Variants in HDGFL3 observed in about 807,000 individuals in gnomAD.
HDGFL3 encodes HDGF like 3, also known as hepatoma-derived growth factor-related protein 3.
HDGFL3 carries 6 observed loss-of-function variants against 27.6 expected under a neutral mutation model. The observed-to-expected ratio is 0.22, with a 90% CI of 0.12 to 0.43. HDGFL3 has a LOEUF of 0.43. HDGFL3 is among the 20% of genes least tolerant of loss of function. The pLI, the probability that HDGFL3 is intolerant of heterozygous loss-of-function variation, is 1.00. For missense variants in HDGFL3, 207 were observed against 250.1 expected (o/e 0.83, Z 1.16); for synonymous variants, 88 against 88.9 (o/e 0.99, Z 0.05).
At chr15:83,141,739 A>G (rs1435405083) in intron 5 of HDGFL3, among the ~76,000 whole-genome samples, 4 of 152,300 alleles carry the variant, frequency 2.6e-5, no homozygotes, top group South Asian at 4.2e-4. Flanking sequence ...GTGAGCCACC[A>G]AACTTGGCCC....
chr15:83,158,047 G>A lies in HDGFL3; in HGVS notation c.162-6C>T. ...CTTTGGGACCTAGAAATGCACTGCA[G>A]AGACATATTAGAAATAGAATTGACA... is the stretch of plus-strand genomic sequence containing the variant. On this transcript the variant is annotated splice_polypyrimidine_tract_variant and splice_region_variant and intron_variant, in intron 2 of 5. Coordinates refer to ENST00000299633, the MANE Select transcript of HDGFL3 (RefSeq NM_016073.4). 1 of 1,594,202 alleles carries A rather than the reference G, an allele frequency of 6.3e-7. No homozygotes were observed. The highest frequency in any genetic ancestry group is 8.5e-7 in the Non-Finnish European group (1 of 1,172,708).
Position 83,129,536 on chromosome 15 carries a change from C to G in HDGFL3, c.*9734G>C, listed in dbSNP as rs761907920. 1 of 152,150 alleles carries G rather than the reference C, an allele frequency of 6.6e-6. No homozygotes were observed. Among genetic ancestry groups the G allele is most frequent in the Non-Finnish European group, 1.5e-5 (1 of 68,028 alleles). 9.4% of individuals were successfully genotyped at this position (152,150 alleles called of 1,614,324 possible). A position where few individuals can be genotyped will look rare whatever the true frequency, so the allele number is the denominator to read the frequency against. The stretch of plus-strand genomic sequence containing the variant: ...ATGAGGAGGCTGAGGCTCAGTCCAC[C>G]TGAAATTATTTGCCTAAGATTACAG... On this transcript the variant is annotated 3_prime_UTR_variant, in exon 6 of 6. Transcript: ENST00000299633.
At chr15:83,177,871 G>A (rs574242270) in intron 1 of HDGFL3, among the ~76,000 whole-genome samples, 2 of 152,230 alleles carry the variant, frequency 1.3e-5, no homozygotes, top group East Asian at 1.9e-4. Context: ...ACAGAAACTA[G>A]TTGCTTTGGT....
chr15:83,117,277 T>C (rs2034749907), intron 3 of HDGFL3, among the ~76,000 whole-genome samples: 1 of 152,102 alleles, frequency 6.6e-6, no homozygotes, highest in African/African-American at 2.4e-5. Flanking sequence ...AGGATGAGGC[T>C]GAGTTTCTAT....
At chr15:83,154,755 G>A (rs2037008102) in intron 4 of HDGFL3, among the ~76,000 whole-genome samples, 1 of 152,156 alleles carries the variant, frequency 6.6e-6, no homozygotes, top group South Asian at 2.1e-4. Flanking sequence ...TGGCAAGCTT[G>A]TCAAACAATG....
At position 83,176,730 on chromosome 15, in the gene HDGFL3, G is replaced by C. The variant is rs187434139; in HGVS notation, c.85-12655C>G. Among the ~76,000 whole-genome samples, 3 of 152,168 alleles carry C rather than the reference G, an allele frequency of 2.0e-5. No homozygotes were observed. The East Asian group carries it at 5.8e-4, about 29-fold the overall frequency. ...ATATTTTAAGAGATTTCATCCTCTT[G>C]CTGTGGTTCCTGCGGATGGGTTGCT... On this transcript the variant is annotated intron_variant, in intron 1 of 5. Coordinates refer to ENST00000299633, the MANE Select transcript of HDGFL3 (RefSeq NM_016073.4).
At chr15:83,196,869 T>C (rs1272533965) in intron 1 of HDGFL3, among the ~76,000 whole-genome samples, 1 of 152,108 alleles carries the variant, frequency 6.6e-6, no homozygotes, top group Non-Finnish European at 1.5e-5. Flanking sequence ...CTATGAAGTA[T>C]GAAGGTAAAA....
chr15:83,205,309 G>A lies in HDGFL3; in HGVS notation c.84+2022C>T, dbSNP rs149037966. On this transcript the variant is annotated intron_variant, in intron 1 of 5. Transcript: ENST00000299633. ...TTGGAAATTGCAGCATGCCACTAAC[G>A]AGAAAATAAAACTTCTTTTTTTGAG... is the stretch of plus-strand genomic sequence containing the variant. Among the ~76,000 whole-genome samples, 452 of 152,244 alleles carry A rather than the reference G, an allele frequency of 3.0e-3. 1 individual carries two copies. The highest frequency in any genetic ancestry group is 9.9e-3 in the African/African-American group (410 of 41,544).
downstream of HDGFL3, among the ~76,000 whole-genome samples, chr15:83,125,709 C>T (rs1279383312): frequency 3.3e-5 from 5 of 152,144 alleles, no homozygotes; most frequent in South Asian, 2.1e-4. Flanking sequence ...AGCCTGTTGG[C>T]GCGCGTAACA....
chr15:83,181,753 G>A (rs935043113), intron 1 of HDGFL3, among the ~76,000 whole-genome samples: 1 of 152,214 alleles, frequency 6.6e-6, no homozygotes, highest in Admixed American at 6.5e-5. Flanking sequence ...TGGGATTACA[G>A]GCGTGAGCCA....
intron 2 of HDGFL3, chr15:83,163,782 AAC>A: frequency 1.9e-6 from 1 of 516,128 alleles, no homozygotes; most frequent in Non-Finnish European, 3.4e-6. Flanking sequence ...TTTAAGCAGA[AAC>A]ACAAATGACA....
chr15:83,190,422 T>C (rs2037497810), intron 1 of HDGFL3, among the ~76,000 whole-genome samples: 1 of 152,164 alleles, frequency 6.6e-6, no homozygotes, highest in Non-Finnish European at 1.5e-5. Flanking sequence ...ATATACTTCT[T>C]CAGTATTGTA....
chr15:83,169,366 G>T (rs925746346), intron 1 of HDGFL3: 2 of 201,620 alleles, frequency 9.9e-6, no homozygotes, highest in Non-Finnish European at 2.0e-5. Context: ...AGTGAGCCGA[G>T]ATCGCGCCAC....
intron 1 of HDGFL3, among the ~76,000 whole-genome samples, chr15:83,206,753 G>A (rs1449865738): frequency 6.6e-6 from 1 of 152,228 alleles, no homozygotes; most frequent in Non-Finnish European, 1.5e-5. Context: ...CGTACCCCAG[G>A]ACAATGATAG....
At chr15:83,175,106 AC>A (rs1407232326) in intron 1 of HDGFL3, among the ~76,000 whole-genome samples, 1 of 152,242 alleles carries the variant, frequency 6.6e-6, no homozygotes, top group Admixed American at 6.5e-5. Context: ...ATAGTTGCCC[AC>A]TTTAGACAAA....
chr15:83,184,792 A>G (rs2037420295), intron 1 of HDGFL3: 1 of 152,228 alleles, frequency 6.6e-6, no homozygotes, highest in African/African-American at 2.4e-5. Flanking sequence ...GTCAATATGG[A>G]ACTACTCGAG....
downstream of HDGFL3, chr15:83,124,631 G>A: frequency 6.8e-7 from 1 of 1,480,980 alleles, no homozygotes; most frequent in Non-Finnish European, 9.4e-7. Flanking sequence ...ATTCTTCTTT[G>A]GCACTTTGGG....
rs145220601 is a variant in HDGFL3, at chr15:83,158,235, G to A, written c.162-194C>T. On this transcript the variant is annotated intron_variant, in intron 2 of 5. Transcript: ENST00000299633. ...CAAGGCAGAAAAAATGGATAGCTGA[G>A]CATACAAGCCAGCCACCTGGATTGT... Among the ~76,000 whole-genome samples the A allele has an allele frequency of 2.0e-3, 306 of 152,310 alleles. 1 individual carries two copies. The highest frequency in any genetic ancestry group is 7.1e-3 in the African/African-American group (293 of 41,558).
intron 5 of HDGFL3, among the ~76,000 whole-genome samples, chr15:83,143,356 G>A (rs1435561497): frequency 6.6e-6 from 1 of 152,022 alleles, no homozygotes; most frequent in Non-Finnish European, 1.5e-5. Flanking sequence ...AGGTTGAGGC[G>A]GGCGAATCAC....
Sources: gnomAD v4.1 joint callset for allele counts (sites outside exome capture counted in the v4.1 genomes callset) on GRCh38, gnomAD v4.1.1 for gene constraint, MANE v1.5 for transcripts, NCBI Gene and HGNC (gene_info 2026-07-23, HGNC 2026-07-21) for gene names.